Variants in EIPR1 observed in about 807,000 individuals in gnomAD.
EIPR1 encodes the protein EARP and GARP complex-interacting protein 1.
EIPR1 carries 25 observed loss-of-function variants against 48.1 expected under a neutral mutation model. The observed-to-expected ratio is 0.52, with a 90% confidence interval of 0.38 to 0.73. The LOEUF is 0.73. Among genes scored for constraint, EIPR1 ranks in the 30% least tolerant of loss-of-function variants. The pLI is 0.00. For missense variants in EIPR1, 415 were observed against 506.2 expected (o/e 0.82, Z 1.73); for synonymous variants, 204 against 201.9 (o/e 1.01, Z -0.09).
At chr2:3,332,818 C>T (rs1470823047) in intron 3 of EIPR1, among the ~76,000 whole-genome samples, 1 of 152,198 alleles carries the variant, frequency 6.6e-6, no homozygotes, top group African/African-American at 2.4e-5. Flanking sequence ...GTCTTTTTCA[C>T]AATCATCACA....
At chr2:3,294,683 T>TCC (rs1558279463) in intron 3 of EIPR1, among the ~76,000 whole-genome samples, 10 of 76,868 alleles carry the variant, frequency 1.3e-4, no homozygotes, top group South Asian at 5.2e-4. Flanking sequence ...CCGTCCTCTC[T>TCC]ACACACACCC....
intron 2 of EIPR1, 152 bp from the exon 3 acceptor site, chr2:3,338,301 T>C: frequency 2.2e-6 from 2 of 920,298 alleles, no homozygotes; most frequent in South Asian, 3.7e-5. Context: ...TGTGCTTCTA[T>C]AATTTAATTC....
intron 3 of EIPR1, among the ~76,000 whole-genome samples, chr2:3,278,601 C>G (rs1469527096): frequency 6.6e-6 from 1 of 152,186 alleles, no homozygotes; most frequent in African/African-American, 2.4e-5. Context: ...TGAGGTTGGC[C>G]TGGCCTGGCC....
chr2:3,295,298 T>TG (rs1375860935), intron 3 of EIPR1, among the ~76,000 whole-genome samples: 1 of 71,836 alleles, frequency 1.4e-5, no homozygotes, highest in Non-Finnish European at 2.7e-5. Flanking sequence ...CCGTCCTCTC[T>TG]CCACACACAC....
intron 2 of EIPR1, among the ~76,000 whole-genome samples, chr2:3,342,926 T>A (rs569759060): frequency 1.8e-4 from 27 of 152,338 alleles, no homozygotes; most frequent in Admixed American, 9.2e-4. Flanking sequence ...CAGGATGCCA[T>A]CAACCACCAT....
rs191345807 is a variant in EIPR1, at chr2:3,189,555, C to T, written c.990-47G>A. ...CGTGAGCGCAGCAGCTCCGGCGGGGCGGGCAGGAGAGGGGCAGGGAGGACG... is the reference window on the plus strand; with the variant it reads ...CGTGAGCGCAGCAGCTCCGGCGGGGTGGGCAGGAGAGGGGCAGGGAGGACG... On this transcript the variant is annotated intron_variant, in intron 8 of 8. Transcript: ENST00000382125. This position sits in a 1 kb window ranked among gnomAD's most constrained non-coding sequence, Gnocchi z 4.6. 13,543 of 1,479,656 alleles carry T rather than the reference C, an allele frequency of 9.2e-3. 82 individuals carry two copies. Among genetic ancestry groups the T allele is most frequent in the Non-Finnish European group, 0.011 (11,977 of 1,098,454 alleles). The allele number at this position is 1,479,656 out of a possible 1,614,324, so 91.7% of individuals were successfully genotyped here. A position where few individuals can be genotyped will look rare whatever the true frequency, so the allele number is the denominator to read the frequency against.
At chr2:3,369,497 C>T (rs2103391470) in intron 1 of EIPR1, among the ~76,000 whole-genome samples, 1 of 152,326 alleles carries the variant, frequency 6.6e-6, no homozygotes, top group East Asian at 1.9e-4. Flanking sequence ...AAAGGGGTGA[C>T]AGACAACACC....
chr2:3,310,256 C>G (rs1669082244), intron 3 of EIPR1, among the ~76,000 whole-genome samples: 4 of 152,114 alleles, frequency 2.6e-5, no homozygotes. Context: ...AAATGGTTTC[C>G]AAACAACAGG....
chr2:3,220,306 G>A (rs982274529), intron 4 of EIPR1, among the ~76,000 whole-genome samples: 1 of 151,910 alleles, frequency 6.6e-6, no homozygotes, highest in South Asian at 2.1e-4. Flanking sequence ...GTATACACTA[G>A]AGCATTCACA....
chr2:3,349,881 T>C (rs1010342576), intron 2 of EIPR1, among the ~76,000 whole-genome samples: 1 of 152,140 alleles, frequency 6.6e-6, no homozygotes, highest in African/African-American at 2.4e-5. Context: ...CCCAGCACTT[T>C]GGGAGGCCAA....
chr2:3,323,888 G>A (rs1669611003), intron 3 of EIPR1, among the ~76,000 whole-genome samples: 2 of 152,198 alleles, frequency 1.3e-5, no homozygotes, highest in Admixed American at 1.3e-4. Flanking sequence ...GGCCCTGCTG[G>A]CGGAGGCAGG....
intron 3 of EIPR1, among the ~76,000 whole-genome samples, chr2:3,285,321 C>G (rs1241895596): frequency 1.4e-5 from 2 of 141,764 alleles, no homozygotes; most frequent in Non-Finnish European, 3.1e-5. Context: ...ACCCTCCCAC[C>G]CCCCCACCCC....
chr2:3,325,195 G>A (rs547440588), intron 3 of EIPR1, among the ~76,000 whole-genome samples: 5 of 152,286 alleles, frequency 3.3e-5, no homozygotes, highest in Admixed American at 2.6e-4. Flanking sequence ...CGGCGGTCAG[G>A]ACCACCCCAA....
chr2:3,346,445 A>G (rs1299847634), intron 2 of EIPR1, among the ~76,000 whole-genome samples: 1 of 152,246 alleles, frequency 6.6e-6, no homozygotes, highest in African/African-American at 2.4e-5. Context: ...TTGCTGCAGT[A>G]GAACTAATTC....
Position 3,338,022 on chromosome 2 carries a change from T to C in EIPR1, c.254A>G (p.Asn85Ser), listed in dbSNP as rs370183545. The C allele has an allele frequency of 1.1e-5, 18 of 1,595,188 alleles. No individual in the cohort carries two copies. The African/African-American group carries it at 2.0e-4, about 18-fold the overall frequency. Residue 85 changes from asparagine to serine, a missense_variant, in exon 3 of 9, where the codon AAC becomes AGC. By Grantham distance (46) the Asn-to-Ser change is conservative. Transcript: ENST00000382125. ...ADRGVLTTCY[N>S]RTSDSKVLTC... ...CTTAGAAAAGCCGCACTTACTTCTG[T>C]TGTAGCAGGTCGTCAGCACACCTCT...
intron 5 of EIPR1, chr2:3,208,560 T>C: frequency 1.3e-6 from 2 of 1,549,722 alleles, no homozygotes; most frequent in East Asian, 2.4e-5. Context: ...TGACCATTTG[T>C]TGGGAAAAGT....
chr2:3,221,819 C>G (rs73131486), intron 4 of EIPR1, among the ~76,000 whole-genome samples: 3,754 of 148,668 alleles, frequency 0.025, 176 homozygotes, highest in African/African-American at 0.09. Flanking sequence ...GTTGAGGACA[C>G]AAGCCCACAA....
At position 3,220,594 on chromosome 2, in the gene EIPR1, A is replaced by G. The variant is rs369700326; in HGVS notation, c.417-6346T>C. Among the ~76,000 whole-genome samples the G allele has an allele frequency of 4.0e-5, 6 of 151,678 alleles. No individual in the cohort carries two copies. The East Asian group carries it at 9.8e-4, about 25-fold the overall frequency. ...TTGAGGACACATGCACACAATGGCT[A>G]TTTGTGCATGTGTACATTTTAAAGC... is the stretch of plus-strand genomic sequence containing the variant. On this transcript the variant is annotated intron_variant, in intron 4 of 8. Transcript: ENST00000382125.
At chr2:3,259,872 T>C (rs578139204) in intron 3 of EIPR1, among the ~76,000 whole-genome samples, 6 of 152,302 alleles carry the variant, frequency 3.9e-5, no homozygotes, top group East Asian at 1.9e-4. Context: ...TGTATATCCA[T>C]ATGAAAGAAA....
Sources: gnomAD v4.1 joint callset for allele counts (sites outside exome capture counted in the v4.1 genomes callset) on GRCh38, gnomAD v4.1.1 for gene constraint, Gnocchi (gnomAD v3.1) non-coding constraint, MANE v1.5 for transcripts, NCBI Gene and HGNC (gene_info 2026-07-23, HGNC 2026-07-21) for gene names.